PICALM: variants seen among roughly 807,000 people sequenced by gnomAD.
PICALM encodes phosphatidylinositol-binding clathrin assembly protein.
In PICALM, 40 loss-of-function variants were observed where a neutral mutation model predicts 80.5. That is an observed-to-expected ratio of 0.50 (90% CI 0.39 to 0.65). The LOEUF (loss-of-function observed/expected upper bound fraction) is 0.65. PICALM is among the 30% of genes least tolerant of loss of function. The pLI is 0.00. For missense variants in PICALM, 676 were observed against 778.9 expected (o/e 0.87, Z 1.57); for synonymous variants, 288 against 260.3 (o/e 1.11, Z -1.02).
intron 1 of PICALM, among the ~76,000 whole-genome samples, chr11:86,037,150 TGG>T (rs1162609418): frequency 6.7e-6 from 1 of 149,626 alleles, no homozygotes; most frequent in Admixed American, 6.7e-5. Flanking sequence ...TTCACCATGT[TGG>T]CCAGGATGGT....
chr11:86,001,102 G>C lies in PICALM; in HGVS notation c.950C>G (p.Thr317Ser). Residue 317 changes from threonine (T) to serine (S), a missense_variant, in exon 10 of 20, where the codon ACC (threonine) becomes AGC (serine). Thr to Ser is a moderately conservative substitution (Grantham distance 58, BLOSUM62 1). Transcript: ENST00000393346. ...SSLASTGLSL[T>S]KVDEREKQAA... ...CTGCTTTTCCCTTTCATCCACTTTG[G>C]TCAGAGATAGACCAGTGCTTGCCAG... is the stretch of plus-strand genomic sequence containing the variant. The C allele has an allele frequency of 6.2e-7, 1 of 1,613,968 alleles. No homozygotes were observed. Among genetic ancestry groups the C allele is most frequent in the Non-Finnish European group, 8.5e-7 (1 of 1,179,898 alleles).
At chr11:86,008,734 G>A (rs2095327950) in intron 7 of PICALM, among the ~76,000 whole-genome samples, 1 of 152,058 alleles carries the variant, frequency 6.6e-6, no homozygotes, top group South Asian at 2.1e-4. Flanking sequence ...CCTTCTTCCA[G>A]GAACTAAGGC....
chr11:86,011,280 T>G lies in PICALM; in HGVS notation c.659-144A>C, dbSNP rs141192393. The G allele has an allele frequency of 3.4e-4, 188 of 548,216 alleles. 2 individuals are homozygous for G. Among genetic ancestry groups the G allele is most frequent in the African/African-American group, 2.3e-3 (119 of 51,338 alleles). The allele number at this position is 548,216 out of a possible 1,614,324, so 34.0% of individuals were successfully genotyped here. On this transcript the variant is annotated intron_variant, in intron 6 of 19. Coordinates refer to ENST00000393346, the MANE Select transcript of PICALM (RefSeq NM_007166.4). Reference sequence around the variant, plus strand: ...GAAAAATATCAGTGTTAAGTTAGCTTAGGTATTTAAAGCAAATTAGAATAG... The same window carrying G: ...GAAAAATATCAGTGTTAAGTTAGCTGAGGTATTTAAAGCAAATTAGAATAG...
intron 1 of PICALM, among the ~76,000 whole-genome samples, chr11:86,042,238 T>C (rs999467960): frequency 4.6e-5 from 7 of 152,184 alleles, no homozygotes; most frequent in Non-Finnish European, 8.8e-5. Context: ...CCATCCTAGA[T>C]TCCAAATAAG....
At chr11:86,039,907 A>G (rs1277243724) in intron 1 of PICALM, among the ~76,000 whole-genome samples, 4 of 150,980 alleles carry the variant, frequency 2.6e-5, no homozygotes, top group Non-Finnish European at 4.4e-5. Context: ...AGGAGGCTGA[A>G]GCAGGAGAAT....
At chr11:85,966,256 G>T (rs926964647) in intron 19 of PICALM, among the ~76,000 whole-genome samples, 1 of 152,084 alleles carries the variant, frequency 6.6e-6, no homozygotes, top group Admixed American at 6.6e-5. Context: ...GCCCAGGCTG[G>T]AGTACAGTGG....
At chr11:85,964,910 C>T (rs567253404) in intron 19 of PICALM, among the ~76,000 whole-genome samples, 13 of 152,276 alleles carry the variant, frequency 8.5e-5, no homozygotes, top group African/African-American at 3.1e-4. Flanking sequence ...GTGGAATGTA[C>T]AAAGAAATTA....
chr11:86,068,329 C>T (rs2096475987), intron 1 of PICALM, among the ~76,000 whole-genome samples: 1 of 151,930 alleles, frequency 6.6e-6, no homozygotes, highest in African/African-American at 2.4e-5. Context: ...GCAGTGGAGA[C>T]GGGTAGGGGG....
In PICALM at chr11:85,982,004, C is replaced by T; in HGVS notation, c.1517-1G>A. ...AGAAGTCCACCTAGTTCATCAAAGC[C>T]TTAAAGTTACAAACAGACGAAATAG... is the stretch of plus-strand genomic sequence containing the variant. On this transcript the variant is annotated splice_acceptor_variant, in intron 14 of 19. Coordinates refer to ENST00000393346, the MANE Select transcript of PICALM (RefSeq NM_007166.4). LOFTEE classifies it high-confidence loss of function. 1 of 1,613,042 alleles carries T rather than the reference C, an allele frequency of 6.2e-7. No homozygotes were observed. Among genetic ancestry groups the T allele is most frequent in the Non-Finnish European group, 8.5e-7 (1 of 1,179,082 alleles).
At chr11:86,060,869 C>T (rs1465764951) in intron 1 of PICALM, among the ~76,000 whole-genome samples, 1 of 151,956 alleles carries the variant, frequency 6.6e-6, no homozygotes, top group Non-Finnish European at 1.5e-5. Context: ...TCTAGATGAC[C>T]TTGAGTTTGT....
intron 2 of PICALM, among the ~76,000 whole-genome samples, chr11:86,026,831 A>C (rs2095656210): frequency 6.6e-6 from 1 of 152,232 alleles, no homozygotes; most frequent in South Asian, 2.1e-4. Context: ...TCTTATATAG[A>C]ATCAAAACAT....
At chr11:86,006,866 A>G (rs603599) in intron 8 of PICALM, among the ~76,000 whole-genome samples, 2 of 152,240 alleles carry the variant, frequency 1.3e-5, no homozygotes, top group Non-Finnish European at 2.9e-5. Context: ...TGATAAAGAC[A>G]ATATTAAAAT....
At chr11:86,068,531 G>T in intron 1 of PICALM, 120 bp downstream of exon 1, 1 of 932,576 alleles carries the variant, frequency 1.1e-6, no homozygotes, top group Non-Finnish European at 1.6e-6. Flanking sequence ...GACCGGCCGT[G>T]CCAGAGAAGA....
chr11:86,032,738 A>G (rs1351774431), intron 1 of PICALM, among the ~76,000 whole-genome samples: 1 of 152,244 alleles, frequency 6.6e-6, no homozygotes, highest in Non-Finnish European at 1.5e-5. Context: ...TGTCTCAGCT[A>G]TACTACAATA....
At position 85,981,247 on chromosome 11, in the gene PICALM, G is replaced by A. The variant is rs2094434073; in HGVS notation, c.1680-19C>T. ...TACATCACTTTAAATAAACATAAGT[G>A]AGAATATTAAATGTCTCTAATTATA... On this transcript the variant is annotated intron_variant, in intron 16 of 19. Coordinates refer to ENST00000393346, the MANE Select transcript of PICALM (RefSeq NM_007166.4). 7.9e-7 allele frequency: 1 copy of A among 1,259,426 alleles called. No individual in the cohort carries two copies. Among genetic ancestry groups the A allele is most frequent in the Non-Finnish European group, 1.2e-6 (1 of 857,364 alleles). 78.0% of individuals were successfully genotyped at this position (1,259,426 alleles called of 1,614,324 possible).
intron 4 of PICALM, among the ~76,000 whole-genome samples, chr11:86,017,962 A>T (rs2095506409): frequency 6.6e-6 from 1 of 152,206 alleles, no homozygotes; most frequent in South Asian, 2.1e-4. Flanking sequence ...AAATGCTAAA[A>T]ACTGGTGGTT....
intron 1 of PICALM, among the ~76,000 whole-genome samples, chr11:86,043,279 T>C (rs2096007602): frequency 6.6e-6 from 1 of 152,230 alleles, no homozygotes; most frequent in South Asian, 2.1e-4. Flanking sequence ...CTATTCTGCC[T>C]ACTTTGCCCT....
chr11:86,024,550 T>G (rs185488564), intron 3 of PICALM, among the ~76,000 whole-genome samples: 1 of 151,928 alleles, frequency 6.6e-6, no homozygotes, highest in Admixed American at 6.6e-5. Flanking sequence ...AAGATTTGGT[T>G]TACTCTGATC....
At chr11:86,033,783 A>G (rs1185630067) in intron 1 of PICALM, among the ~76,000 whole-genome samples, 1 of 152,194 alleles carries the variant, frequency 6.6e-6, no homozygotes, top group Admixed American at 6.5e-5. Context: ...TGCCTCAAAC[A>G]TAAAGATCAG....
Sources: gnomAD v4.1 joint callset for allele counts (sites outside exome capture counted in the v4.1 genomes callset) on GRCh38, gnomAD v4.1.1 for gene constraint, MANE v1.5 for transcripts, NCBI Gene and HGNC (gene_info 2026-07-23, HGNC 2026-07-21) for gene names.